NDUFA5: variants seen among roughly 807,000 people sequenced by gnomAD.
The protein encoded by NDUFA5 is NADH dehydrogenase [ubiquinone] 1 alpha subcomplex subunit 5.
NDUFA5 carries 11 observed loss-of-function variants against 19.8 expected under a neutral mutation model. That is an observed-to-expected ratio of 0.56 (90% CI 0.35 to 0.92). NDUFA5 has a LOEUF of 0.92. Ranked by LOEUF, NDUFA5 falls within the 40% of genes least tolerant of loss-of-function variation. NDUFA5 has a pLI of 0.01. For synonymous variants in NDUFA5, 47 were observed against 46.8 expected (o/e 1.00, Z -0.01); for missense variants, 109 against 134.2 (o/e 0.81, Z 0.93).
At chr7:123,583,758 C>G in the NDUFA5 span, among the ~76,000 whole-genome samples, 3 of 151,840 alleles carry the variant, frequency 2.0e-5, no homozygotes, top group African/African-American at 7.3e-5. Context: ...TTCCTCATAA[C>G]ATCTTCATAA....
At chr7:123,596,318 T>C in the NDUFA5 span, 1 of 152,056 alleles carries the variant, frequency 6.6e-6, no homozygotes, top group African/African-American at 2.4e-5. Context: ...TGGATTTACA[T>C]TGAAATATTT....
At chr7:123,545,509 C>T (rs1798096344) in intron 4 of NDUFA5, 102 bp downstream of exon 4, 7 of 860,600 alleles carry the variant, frequency 8.1e-6, no homozygotes, top group East Asian at 2.5e-5. Context: ...ACATATTTGA[C>T]GAGTTGATAT....
At chr7:123,599,868 C>A in the NDUFA5 span, among the ~76,000 whole-genome samples, 73 of 152,048 alleles carry the variant, frequency 4.8e-4, no homozygotes, top group Non-Finnish European at 9.1e-4. Flanking sequence ...TAAATCTGAC[C>A]CCTCCCTGAA....
At chr7:123,591,130 G>C in the NDUFA5 span, among the ~76,000 whole-genome samples, 1 of 151,840 alleles carries the variant, frequency 6.6e-6, no homozygotes, top group Non-Finnish European at 1.5e-5. Flanking sequence ...GAATGCTTGT[G>C]ATTTTTGCAA....
chr7:123,556,940 G>C (rs1046121405), intron 2 of NDUFA5: 6 of 478,872 alleles, frequency 1.3e-5, no homozygotes, highest in Non-Finnish European at 2.4e-5. Context: ...TTATAGAAGG[G>C]ACAAGAAGAA....
At chr7:123,601,302 CT>C in the NDUFA5 span, among the ~76,000 whole-genome samples, 1 of 152,134 alleles carries the variant, frequency 6.6e-6, no homozygotes, top group Non-Finnish European at 1.5e-5. Context: ...TGCTCAATAA[CT>C]TGACCTAAAA....
the NDUFA5 span, among the ~76,000 whole-genome samples, chr7:123,589,955 A>G: frequency 1.3e-5 from 2 of 152,100 alleles, no homozygotes; most frequent in African/African-American, 2.4e-5. Context: ...AAGCGTTCCT[A>G]TTTCTCCACA....
chr7:123,581,353 C>T, the NDUFA5 span, among the ~76,000 whole-genome samples: 1 of 150,622 alleles, frequency 6.6e-6, no homozygotes, highest in South Asian at 2.1e-4. Flanking sequence ...ACTATTTGCC[C>T]TTCTTGGGCA....
chr7:123,559,900 T>G (rs192711329), upstream of NDUFA5, among the ~76,000 whole-genome samples: 48 of 150,006 alleles, frequency 3.2e-4, no homozygotes, highest in African/African-American at 1.1e-3. Flanking sequence ...AAATAAAACT[T>G]CAGGCCAATA....
In NDUFA5 at chr7:123,541,805, A is replaced by T. The variant is rs1269741905; in HGVS notation, c.*314T>A. The T allele has an allele frequency of 5.9e-6, 1 of 170,354 alleles. No homozygotes were observed. The highest frequency in any genetic ancestry group is 1.2e-5 in the Non-Finnish European group (1 of 80,484). 10.6% of individuals were successfully genotyped at this position (170,354 alleles called of 1,614,324 possible). ...AAATGATGTATTGAACATACTACTA[A>T]AGAAAGTTTACTTTTTGATTATGGT... On this transcript the variant is annotated 3_prime_UTR_variant, in exon 5 of 5. Transcript: ENST00000355749.
chr7:123,568,133 C>T, the NDUFA5 span, among the ~76,000 whole-genome samples: 1 of 152,100 alleles, frequency 6.6e-6, no homozygotes, highest in Non-Finnish European at 1.5e-5. Flanking sequence ...TTGAGTTAAT[C>T]AATATGTGAA....
the NDUFA5 span, among the ~76,000 whole-genome samples, chr7:123,565,867 A>G: frequency 6.6e-6 from 1 of 152,122 alleles, no homozygotes; most frequent in South Asian, 2.1e-4. Flanking sequence ...AAATACAAAA[A>G]AATTAGCCAG....
chr7:123,599,185 G>A, the NDUFA5 span, among the ~76,000 whole-genome samples: 21 of 152,256 alleles, frequency 1.4e-4, no homozygotes, highest in African/African-American at 2.6e-4. Flanking sequence ...GAAGCCAAGA[G>A]AGATATACAT....
intron 3 of NDUFA5, chr7:123,546,633 G>A: frequency 1.3e-5 from 16 of 1,251,726 alleles, no homozygotes; most frequent in Non-Finnish European, 1.7e-5. Context: ...GCCAATAAAT[G>A]GAATAAAGAG....
At position 123,542,082 on chromosome 7, in the gene NDUFA5, A is replaced by T. The variant is rs536414308; in HGVS notation, c.*37T>A. The T allele has an allele frequency of 2.8e-6, 4 of 1,416,350 alleles. No individual in the cohort carries two copies. Among genetic ancestry groups the T allele is most frequent in the South Asian group, 1.2e-5 (1 of 81,026 alleles). 87.7% of individuals were successfully genotyped at this position (1,416,350 alleles called of 1,614,324 possible). A position where few individuals can be genotyped will look rare whatever the true frequency, so the allele number is the denominator to read the frequency against. The stretch of plus-strand genomic sequence containing the variant: ...TTAATATAACAGAATATTTAATTAC[A>T]TCAGTTTCCCATGAACACACCAAAG... On this transcript the variant is annotated 3_prime_UTR_variant, in exon 5 of 5. Transcript: ENST00000355749.
chr7:123,563,705 A>G, the NDUFA5 span, among the ~76,000 whole-genome samples: 2 of 152,216 alleles, frequency 1.3e-5, no homozygotes, highest in Non-Finnish European at 2.9e-5. Flanking sequence ...CAATATAGCA[A>G]AGCACAATAA....
the NDUFA5 span, among the ~76,000 whole-genome samples, chr7:123,592,684 T>C: frequency 6.6e-6 from 1 of 152,196 alleles, no homozygotes; most frequent in Non-Finnish European, 1.5e-5. Context: ...TTACATTTGC[T>C]GAGGAGTGTT....
intron 4 of NDUFA5, among the ~76,000 whole-genome samples, chr7:123,543,717 G>A (rs1584686686): frequency 6.6e-6 from 1 of 152,070 alleles, no homozygotes; most frequent in Non-Finnish European, 1.5e-5. Flanking sequence ...AAAAATTGAT[G>A]TATCAACTAA....
chr7:123,598,690 A>C, the NDUFA5 span: 401 of 152,350 alleles, frequency 2.6e-3, 3 homozygotes, highest in African/African-American at 9.3e-3. Context: ...TGAACTTTGA[A>C]ACCCCTAACT....
Sources: gnomAD v4.1 joint callset for allele counts (sites outside exome capture counted in the v4.1 genomes callset) on GRCh38, gnomAD v4.1.1 for gene constraint, MANE v1.5 for transcripts, NCBI Gene and HGNC (gene_info 2026-07-23, HGNC 2026-07-21) for gene names.